Variants in LRRC4C observed in about 807,000 individuals in gnomAD.
LRRC4C encodes the protein leucine rich repeat containing 4C, also known as leucine-rich repeat-containing protein 4C.
A neutral mutation model predicts 33.6 loss-of-function variants in LRRC4C; 5 were observed. The observed-to-expected ratio is 0.15, with a 90% CI of 0.08 to 0.31. The LOEUF (loss-of-function observed/expected upper bound fraction) is 0.31. Among genes scored for constraint, LRRC4C ranks in the 10% least tolerant of loss-of-function variants. LRRC4C has a pLI of 1.00. For synonymous variants in LRRC4C, 329 were observed against 302.0 expected (o/e 1.09, Z -0.93); for missense variants, 560 against 796.7 (o/e 0.70, Z 3.58).
intron 1 of LRRC4C, among the ~76,000 whole-genome samples, chr11:41,019,111 G>T (rs1855783303): frequency 6.6e-6 from 1 of 152,016 alleles, no homozygotes; most frequent in Non-Finnish European, 1.5e-5. Flanking sequence ...TTGTTACACA[G>T]GTATATATGT....
chr11:40,299,925 G>A (rs899861540), intron 4 of LRRC4C, among the ~76,000 whole-genome samples: 1 of 152,222 alleles, frequency 6.6e-6, no homozygotes, highest in Admixed American at 6.5e-5. Flanking sequence ...AACTGTATTA[G>A]GCTGTCCTTG....
chr11:40,313,778 T>TA (rs978925779), intron 4 of LRRC4C, among the ~76,000 whole-genome samples: 30 of 150,864 alleles, frequency 2.0e-4, no homozygotes, highest in African/African-American at 7.3e-4. Context: ...TGGCTATTTT[T>TA]TTTTATTTTT....
intron 4 of LRRC4C, among the ~76,000 whole-genome samples, chr11:40,244,579 A>C (rs1316007819): frequency 1.3e-5 from 2 of 151,922 alleles, no homozygotes; most frequent in African/African-American, 4.8e-5. Flanking sequence ...ATAATCATTT[A>C]CTCCCTTCAA....
chr11:41,220,223 TAA>T (rs1355911696), intron 1 of LRRC4C, among the ~76,000 whole-genome samples: 1 of 152,172 alleles, frequency 6.6e-6, no homozygotes, highest in African/African-American at 2.4e-5. Flanking sequence ...TTACATGTAC[TAA>T]CTCACTGATT....
intron 1 of LRRC4C, chr11:41,394,742 AC>A (rs1953739463): frequency 6.6e-6 from 1 of 151,974 alleles, no homozygotes; most frequent in Non-Finnish European, 1.5e-5. Flanking sequence ...TGCTGCTGCC[AC>A]TGAAGTTGTT....
At chr11:41,232,339 T>G (rs1474757851) in intron 1 of LRRC4C, among the ~76,000 whole-genome samples, 2 of 152,092 alleles carry the variant, frequency 1.3e-5, no homozygotes, top group Admixed American at 1.3e-4. Flanking sequence ...TTGTCTGAGC[T>G]GTACTGTGTA....
At chr11:41,114,384 A>C (rs553113397) in intron 1 of LRRC4C, among the ~76,000 whole-genome samples, 64 of 152,196 alleles carry the variant, frequency 4.2e-4, no homozygotes, top group African/African-American at 1.4e-3. Flanking sequence ...TGTATATGCC[A>C]GCCTATTAGT....
At position 40,600,579 on chromosome 11, in the gene LRRC4C, A is replaced by G. The variant is rs1959886557; in HGVS notation, c.-270+47563T>C. Among the ~76,000 whole-genome samples, 2 of 152,154 alleles carry G rather than the reference A, an allele frequency of 1.3e-5. 1 individual carries two copies. Among genetic ancestry groups the G allele is most frequent in the South Asian group, 4.1e-4 (2 of 4,822 alleles). The stretch of plus-strand genomic sequence containing the variant: ...TGACACCCCCCAGTACTGCTGCTTC[A>G]CTTCTGTTGAGAATCATTGTGCTAG... On this transcript the variant is annotated intron_variant, in intron 3 of 6. Coordinates refer to ENST00000528697, the MANE Select transcript of LRRC4C (RefSeq NM_001258419.2).
chr11:40,984,364 AAAG>A (rs1852792431), intron 1 of LRRC4C, among the ~76,000 whole-genome samples: 4 of 18,290 alleles, frequency 2.2e-4, no homozygotes, highest in Non-Finnish European at 4.1e-4. Context: ...AAGAAAGAAA[AAAG>A]AAAGAAAGAA....
chr11:40,724,026 A>G (rs1244787253), intron 2 of LRRC4C, among the ~76,000 whole-genome samples: 1 of 152,220 alleles, frequency 6.6e-6, no homozygotes, highest in Non-Finnish European at 1.5e-5. Context: ...AGGTTATTAC[A>G]TAATGATAAA....
intron 1 of LRRC4C, among the ~76,000 whole-genome samples, chr11:41,412,899 C>G (rs1425674354): frequency 6.6e-6 from 1 of 152,190 alleles, no homozygotes; most frequent in Non-Finnish European, 1.5e-5. Flanking sequence ...CCCTAACAGC[C>G]TTTTCCTCCC....
At chr11:40,694,520 C>T (rs1193570668) in intron 2 of LRRC4C, among the ~76,000 whole-genome samples, 3 of 151,946 alleles carry the variant, frequency 2.0e-5, no homozygotes, top group African/African-American at 7.3e-5. Context: ...CAGCTAAATG[C>T]TGTTTTTGTA....
intron 3 of LRRC4C, among the ~76,000 whole-genome samples, chr11:40,467,944 TG>T (rs879440089): frequency 1.3e-5 from 2 of 152,184 alleles, no homozygotes; most frequent in Non-Finnish European, 2.9e-5. Flanking sequence ...AAGTAGAAAT[TG>T]CCTGAAGACC....
At chr11:40,577,844 T>C (rs1958262352) in intron 3 of LRRC4C, among the ~76,000 whole-genome samples, 1 of 144,540 alleles carries the variant, frequency 6.9e-6, no homozygotes, top group Non-Finnish European at 1.5e-5. Flanking sequence ...TTTTTTTTTT[T>C]TTTTTTTTTG....
chr11:40,841,454 A>G (rs1952908642), intron 2 of LRRC4C, among the ~76,000 whole-genome samples: 2 of 152,194 alleles, frequency 1.3e-5, no homozygotes, highest in South Asian at 4.1e-4. Context: ...CAGGTCACAA[A>G]GGTGGTGTCC....
chr11:40,716,324 T>C (rs1228542979), intron 2 of LRRC4C, among the ~76,000 whole-genome samples: 1 of 152,170 alleles, frequency 6.6e-6, no homozygotes, highest in East Asian at 1.9e-4. Flanking sequence ...ATAAATATTC[T>C]TTTATATCTA....
chr11:40,402,160 C>A (rs890938084), intron 3 of LRRC4C, among the ~76,000 whole-genome samples: 3 of 152,020 alleles, frequency 2.0e-5, no homozygotes, highest in African/African-American at 7.2e-5. Context: ...AGAAAGCAGT[C>A]TTATTTTTCA....
intron 6 of LRRC4C, among the ~76,000 whole-genome samples, chr11:40,126,184 T>G (rs1856211276): frequency 1.3e-5 from 2 of 150,270 alleles, no homozygotes; most frequent in Admixed American, 1.3e-4. Context: ...AAAACCCACC[T>G]GACTCTGCAT....
intron 3 of LRRC4C, among the ~76,000 whole-genome samples, chr11:40,467,836 G>A (rs955012459): frequency 6.6e-6 from 1 of 152,162 alleles, no homozygotes; most frequent in Non-Finnish European, 1.5e-5. Flanking sequence ...TTGCAATACA[G>A]ATAGATCTCC....
Sources: gnomAD v4.1 joint callset for allele counts (sites outside exome capture counted in the v4.1 genomes callset) on GRCh38, gnomAD v4.1.1 for gene constraint, MANE v1.5 for transcripts, NCBI Gene and HGNC (gene_info 2026-07-23, HGNC 2026-07-21) for gene names.